The following RFX8 variants were observed in gnomAD, a reference collection of about 807,000 sequenced individuals.
RFX8 encodes regulatory factor X8.
Under a neutral mutation model 54.6 loss-of-function variants are expected in RFX8, and 46 were observed. That is an observed-to-expected ratio of 0.84 (90% CI 0.67 to 1.08). The LOEUF (loss-of-function observed/expected upper bound fraction) is 1.08. Ranked by LOEUF, RFX8 falls within the 50% of genes least tolerant of loss-of-function variation. RFX8 has a pLI of 0.00. For missense variants in RFX8, 536 were observed against 562.3 expected (o/e 0.95, Z 0.47); for synonymous variants, 192 against 209.5 (o/e 0.92, Z 0.72).
intron 8 of RFX8, 40 bp downstream of exon 8, chr2:101,412,875 C>G (rs2104552478): frequency 6.5e-7 from 1 of 1,529,974 alleles, no homozygotes; most frequent in East Asian, 2.5e-5. Context: ...CAAATCTATG[C>G]CCAACACGCC....
At chr2:101,446,015 C>T (rs1038520364) in intron 2 of RFX8, among the ~76,000 whole-genome samples, 2 of 151,484 alleles carry the variant, frequency 1.3e-5, no homozygotes, top group Admixed American at 1.3e-4. Flanking sequence ...TCATTAACAA[C>T]AGTGTACCAT....
intron 1 of RFX8, among the ~76,000 whole-genome samples, chr2:101,471,119 A>G (rs1394124166): frequency 6.6e-6 from 1 of 151,836 alleles, no homozygotes; most frequent in African/African-American, 2.4e-5. Context: ...AGATCACCTG[A>G]GGTCAGGAGT....
intron 10 of RFX8, among the ~76,000 whole-genome samples, chr2:101,403,961 A>G (rs1487914744): frequency 6.6e-6 from 1 of 152,226 alleles, no homozygotes; most frequent in Non-Finnish European, 1.5e-5. Context: ...AAATAGATGC[A>G]AAAGGGATCT....
intron 2 of RFX8, among the ~76,000 whole-genome samples, chr2:101,436,976 C>A (rs59737009): frequency 6.6e-6 from 1 of 152,106 alleles, no homozygotes; most frequent in Non-Finnish European, 1.5e-5. Flanking sequence ...TGGGTGTCAG[C>A]GGAAGAAACC....
At chr2:101,406,635 C>T (rs1471437115) in intron 9 of RFX8, among the ~76,000 whole-genome samples, 4 of 152,240 alleles carry the variant, frequency 2.6e-5, no homozygotes, top group Admixed American at 2.6e-4. Context: ...AGCCACCATG[C>T]CCAGCACCAC....
chr2:101,420,571 G>C (rs1345864588), intron 4 of RFX8, among the ~76,000 whole-genome samples: 1 of 151,926 alleles, frequency 6.6e-6, no homozygotes, highest in African/African-American at 2.4e-5. Context: ...GAAAACAAAA[G>C]AAAAGAAAAA....
chr2:101,445,454 G>A (rs1391797343), intron 2 of RFX8, among the ~76,000 whole-genome samples: 3 of 151,830 alleles, frequency 2.0e-5, no homozygotes, highest in East Asian at 1.9e-4. Context: ...GTGCAGTGGC[G>A]TGATCATAGC....
intron 2 of RFX8, among the ~76,000 whole-genome samples, chr2:101,440,108 T>A (rs58865466): frequency 0.76 from 114,045 of 150,840 alleles, 44,061 homozygotes; most frequent in Middle Eastern, 0.88. Context: ...GCTGAGATTT[T>A]AAAAAAAAAC....
intron 6 of RFX8, 105 bp from the exon 7 acceptor site, chr2:101,415,017 T>C (rs1049137870): frequency 1.3e-5 from 11 of 841,228 alleles, no homozygotes; most frequent in Non-Finnish European, 1.9e-5. Flanking sequence ...CACAGCTGGC[T>C]AAACTGCAAC....
intron 7 of RFX8, 96 bp downstream of exon 7, chr2:101,414,758 G>A: frequency 1.0e-6 from 1 of 953,316 alleles, no homozygotes; most frequent in Non-Finnish European, 1.6e-6. Flanking sequence ...CCTCCAGATG[G>A]ACAGAGCAAC....
At chr2:101,422,619 T>C (rs577595270) in intron 2 of RFX8, 147 bp from the exon 3 acceptor site, 10 of 580,372 alleles carry the variant, frequency 1.7e-5, no homozygotes, top group African/African-American at 1.5e-4. Context: ...TTCCAGCAGC[T>C]TTCCTCTCAT....
chr2:101,465,071 C>T (rs938129107), intron 2 of RFX8, among the ~76,000 whole-genome samples: 6 of 152,116 alleles, frequency 3.9e-5, no homozygotes, highest in Non-Finnish European at 7.4e-5. Flanking sequence ...TGGGGGAATT[C>T]CCAGCTACTG....
At chr2:101,447,112 C>T (rs1047463004) in intron 2 of RFX8, among the ~76,000 whole-genome samples, 1 of 152,160 alleles carries the variant, frequency 6.6e-6, no homozygotes, top group Non-Finnish European at 1.5e-5. Flanking sequence ...ATCATCTCTG[C>T]TCCCTTCTAC....
chr2:101,409,694 T>C (rs1234539529), intron 9 of RFX8, among the ~76,000 whole-genome samples: 1 of 152,142 alleles, frequency 6.6e-6, no homozygotes, highest in Non-Finnish European at 1.5e-5. Flanking sequence ...GAGACAGGGT[T>C]TCACTATGTT....
intron 2 of RFX8, among the ~76,000 whole-genome samples, chr2:101,439,939 G>A (rs11123879): frequency 0.76 from 115,113 of 152,068 alleles, 44,526 homozygotes; most frequent in Middle Eastern, 0.88. Flanking sequence ...GCCGTCACCA[G>A]TACCACCCCA....
intron 8 of RFX8, among the ~76,000 whole-genome samples, chr2:101,411,247 C>T (rs574128434): frequency 6.6e-6 from 1 of 152,204 alleles, no homozygotes; most frequent in Non-Finnish European, 1.5e-5. Context: ...TTTGGCCTTC[C>T]CAGCTTTTTG....
chr2:101,414,032 C>A (rs900015364), intron 7 of RFX8, among the ~76,000 whole-genome samples: 2 of 152,192 alleles, frequency 1.3e-5, no homozygotes, highest in African/African-American at 4.8e-5. Flanking sequence ...AGCCCACGAG[C>A]CGGGTGCCAG....
At chr2:101,457,521 A>G (rs1421694920) in intron 2 of RFX8, among the ~76,000 whole-genome samples, 1 of 152,098 alleles carries the variant, frequency 6.6e-6, no homozygotes, top group East Asian at 1.9e-4. Flanking sequence ...TGCAATTTTG[A>G]GTGAGTTTCT....
chr2:101,473,669 A>C (rs534822772), intron 1 of RFX8, among the ~76,000 whole-genome samples: 1 of 152,236 alleles, frequency 6.6e-6, no homozygotes, highest in African/African-American at 2.4e-5. Context: ...ATTTAAGAAG[A>C]TCTGCAACCC....
Sources: allele counts gnomAD v4.1 joint callset (sites outside exome capture counted in the v4.1 genomes callset), GRCh38; gene constraint gnomAD v4.1.1; transcripts MANE v1.5; gene names NCBI Gene and HGNC (gene_info 2026-07-23, HGNC 2026-07-21).